UBE2V2: variants seen among roughly 807,000 people sequenced by gnomAD.
The protein encoded by UBE2V2 is ubiquitin conjugating enzyme E2 V2.
A neutral mutation model predicts 17.2 loss-of-function variants in UBE2V2; 9 were observed. The ratio of observed to expected loss-of-function variants is 0.52; its 90% CI spans 0.32 to 0.91. The LOEUF (loss-of-function observed/expected upper bound fraction) is 0.91, where lower values mean the gene tolerates loss of function less well. UBE2V2 is among the 40% of genes least tolerant of loss of function. The pLI, the probability that UBE2V2 is intolerant of heterozygous loss-of-function variation, is 0.04. For missense variants in UBE2V2, 133 were observed against 182.6 expected (o/e 0.73, Z 1.56); for synonymous variants, 61 against 57.5 (o/e 1.06, Z -0.28).
chr8:48,000,519 C>T, the UBE2V2 span, among the ~76,000 whole-genome samples: 1 of 152,128 alleles, frequency 6.6e-6, no homozygotes, highest in African/African-American at 2.4e-5. Context: ...CTGATAAGGC[C>T]ACTAAGAACT....
rs750125753 is a variant in UBE2V2 at position 48,008,449 on chromosome 8, G to A, written c.-6G>A. 8 of 1,566,954 alleles carry A rather than the reference G, an allele frequency of 5.1e-6. No homozygotes were observed. In the South Asian group the frequency reaches 5.8e-5, roughly 11 times the overall value. On this transcript the variant is annotated 5_prime_UTR_variant, in exon 1 of 4. Transcript: ENST00000523111. Reference sequence around the variant, plus strand: ...TGCGGGCGGCTGCGTCGGGCTGCAGGAGAAGATGGCGGTCTCCACAGGTCG... The same window carrying A: ...TGCGGGCGGCTGCGTCGGGCTGCAGAAGAAGATGGCGGTCTCCACAGGTCG...
chr8:48,057,005 A>T (rs1451049344), intron 3 of UBE2V2, among the ~76,000 whole-genome samples: 1 of 151,256 alleles, frequency 6.6e-6, no homozygotes, highest in Non-Finnish European at 1.5e-5. Context: ...GGGTTACAGG[A>T]GTGAGCCACC....
chr8:48,056,476 A>G (rs1483532455), intron 3 of UBE2V2, among the ~76,000 whole-genome samples: 5 of 152,190 alleles, frequency 3.3e-5, no homozygotes, highest in African/African-American at 1.2e-4. Context: ...CCACTAGTGT[A>G]TGCAGGTTCC....
At chr8:48,019,421 G>C (rs1301220960) in intron 1 of UBE2V2, among the ~76,000 whole-genome samples, 1 of 151,676 alleles carries the variant, frequency 6.6e-6, no homozygotes, top group Admixed American at 6.6e-5. Flanking sequence ...CCAGCTACTC[G>C]GGAGGCTGAG....
Position 48,062,178 on chromosome 8 carries a change from AGGTG to A in UBE2V2, c.*1352_*1355del, listed in dbSNP as rs1360828314. On this transcript the variant is annotated 3_prime_UTR_variant, in exon 4 of 4. Transcript: ENST00000523111. ...GATGAATTCACTGAAGAATATAGAA[AGGTG>A]GTCAGGTAAAGTCTACTTTTATTTT... The A allele has an allele frequency of 2.0e-5, 3 of 152,238 alleles. No homozygotes were observed. The highest frequency in any genetic ancestry group is 4.4e-5 in the Non-Finnish European group (3 of 68,044). 9.4% of individuals were successfully genotyped at this position (152,238 alleles called of 1,614,324 possible).
intron 1 of UBE2V2, among the ~76,000 whole-genome samples, chr8:48,037,057 T>C (rs2154507539): frequency 6.6e-6 from 1 of 152,268 alleles, no homozygotes; most frequent in East Asian, 1.9e-4. Flanking sequence ...CAGGCACCTG[T>C]AATCCCAGCT....
rs367683385 is a variant in UBE2V2, at chr8:48,010,384, C to T, written c.16+1914C>T. Among the ~76,000 whole-genome samples, 35 of 149,546 alleles carry T rather than the reference C, an allele frequency of 2.3e-4. No homozygotes were observed. The South Asian group carries it at 4.7e-3, about 20-fold the overall frequency. On this transcript the variant is annotated intron_variant, in intron 1 of 3. Coordinates refer to ENST00000523111, the MANE Select transcript of UBE2V2 (RefSeq NM_003350.3). ...GTGCTGGATTACAGGGGTGAGCCAC[C>T]GTTCCCATCTACTAGTTTTTTTTTT...
At chr8:48,013,950 A>T (rs552855491) in intron 1 of UBE2V2, among the ~76,000 whole-genome samples, 42 of 152,326 alleles carry the variant, frequency 2.8e-4, no homozygotes, top group African/African-American at 8.7e-4. Flanking sequence ...ATTGGACAAC[A>T]TCATCTTGTT....
In UBE2V2 at chr8:48,027,347, C is replaced by T. The variant is rs557790348; in HGVS notation, c.17-15686C>T. ...TTCCTACCAGCAGTATATGAAGGTC[C>T]CAGTTTCTCCACATCCTTACCAACA... On this transcript the variant is annotated intron_variant, in intron 1 of 3. Transcript: ENST00000523111. 2.6e-4 allele frequency among the ~76,000 whole-genome samples: 39 copies of T among 152,150 alleles called. No homozygotes were observed. In the South Asian group the frequency reaches 7.5e-3, roughly 29 times the overall value.
chr8:48,060,811 C>A lies in UBE2V2; in HGVS notation c.421C>A (p.Gln141Lys). The change falls in exon 4 of 4, where the codon CAA (glutamine) becomes AAA (lysine). Residue 141 changes from glutamine to lysine, a missense_variant. Transcript: ENST00000523111. ...NMKLPQPPEG[Q>K]TYNN ...GAAGCTTCCACAGCCACCAGAAGGA[C>A]AAACATACAACAATTAATTTTAGTG... is the stretch of plus-strand genomic sequence containing the variant. The A allele has an allele frequency of 6.5e-7, 1 of 1,531,300 alleles. No individual in the cohort carries two copies. Among genetic ancestry groups the A allele is most frequent in the Non-Finnish European group, 8.8e-7 (1 of 1,141,224 alleles). The allele number at this position is 1,531,300 out of a possible 1,614,324, so 94.9% of individuals were successfully genotyped here.
the UBE2V2 span, among the ~76,000 whole-genome samples, chr8:47,999,651 C>A: frequency 6.6e-6 from 1 of 152,104 alleles, no homozygotes; most frequent in African/African-American, 2.4e-5. Flanking sequence ...TGAGCCACTG[C>A]GCCCAGCCCA....
intron 1 of UBE2V2, among the ~76,000 whole-genome samples, chr8:48,020,497 A>T (rs1301986144): frequency 1.3e-5 from 2 of 152,170 alleles, no homozygotes; most frequent in African/African-American, 4.8e-5. Flanking sequence ...ATTTACATTT[A>T]GAGTAATTAT....
rs780298410 is a variant in UBE2V2 at position 48,043,057 on chromosome 8, G to T, written c.41G>T (p.Arg14Leu). The change falls in exon 2 of 4, where the codon CGC becomes CTC. Residue 14 changes from arginine to leucine, a missense_variant. Physicochemically the swap from Arg to Leu is moderately radical, Grantham distance 102. This residue lies in a region of UBE2V2 where 27 missense variants were observed against 20.1 expected (regional missense o/e 1.34). Transcript: ENST00000523111. ...STGVKVPRNF[R>L]LLEELEEGQK... is the part of the protein sequence containing the mutation. The stretch of plus-strand genomic sequence containing the variant: ...GGAGTTAAAGTTCCTCGTAATTTTC[G>T]CTTGTTGGAAGAACTTGAAGAAGGA... 2 of 1,571,076 alleles carry T rather than the reference G, an allele frequency of 1.3e-6. No individual in the cohort carries two copies. The highest frequency in any genetic ancestry group is 1.2e-5 in the South Asian group (1 of 83,168).
At chr8:48,011,778 C>T (rs553526281) in intron 1 of UBE2V2, among the ~76,000 whole-genome samples, 3 of 152,238 alleles carry the variant, frequency 2.0e-5, no homozygotes, top group East Asian at 3.9e-4. Flanking sequence ...CTCAGCCTCC[C>T]GAGTAGCTGC....
chr8:48,059,522 C>T (rs1802554406), intron 3 of UBE2V2, among the ~76,000 whole-genome samples: 1 of 152,056 alleles, frequency 6.6e-6, no homozygotes, highest in African/African-American at 2.4e-5. Flanking sequence ...GATTCTCCTG[C>T]CTCAGCCTCC....
upstream of UBE2V2, among the ~76,000 whole-genome samples, chr8:48,004,538 G>GTT (rs1176583547): frequency 1.6e-5 from 2 of 122,586 alleles, no homozygotes; most frequent in African/African-American, 3.0e-5. Flanking sequence ...TTGTTTTTTT[G>GTT]TTTTTTTTTT....
intron 3 of UBE2V2, among the ~76,000 whole-genome samples, chr8:48,054,998 T>C (rs2091562689): frequency 6.6e-6 from 1 of 152,026 alleles, no homozygotes; most frequent in Non-Finnish European, 1.5e-5. Flanking sequence ...TTAACTACCA[T>C]TTACAGCTGG....
At chr8:47,997,590 A>T in the UBE2V2 span, among the ~76,000 whole-genome samples, 2 of 152,080 alleles carry the variant, frequency 1.3e-5, no homozygotes, top group Admixed American at 1.3e-4. Context: ...ATTCTTTCAT[A>T]TAAGTGTCGG....
At chr8:47,998,995 G>A in the UBE2V2 span, among the ~76,000 whole-genome samples, 1 of 152,174 alleles carries the variant, frequency 6.6e-6, no homozygotes, top group Non-Finnish European at 1.5e-5. Context: ...TTTATTACAG[G>A]AGGGTGTAGG....
Sources: allele counts gnomAD v4.1 joint callset (sites outside exome capture counted in the v4.1 genomes callset), GRCh38; gene constraint gnomAD v4.1.1; regional missense constraint gnomAD v4.1.1; transcripts MANE v1.5; gene names NCBI Gene and HGNC (gene_info 2026-07-23, HGNC 2026-07-21).